The following ERCC3 variants were observed in gnomAD, a reference collection of about 807,000 sequenced individuals.
ERCC3 encodes the protein ERCC excision repair 3, TFIIH core complex helicase subunit.
A neutral mutation model predicts 94.2 loss-of-function variants in ERCC3; 66 were observed. That is an observed-to-expected ratio of 0.70 (90% CI 0.57 to 0.86). The LOEUF is 0.86. ERCC3 is among the 40% of genes least tolerant of loss of function. The pLI is 0.00. For missense variants in ERCC3, 829 were observed against 987.1 expected (o/e 0.84, Z 2.15); for synonymous variants, 349 against 369.1 (o/e 0.95, Z 0.63).
Position 127,271,489 on chromosome 2 carries a change from GAAA to G in ERCC3, c.1828-39_1828-37del. ...AAGTTGGAAGGTTTTTATATATGAG[GAAA>G]AAAAAAAAGTCAACTGATCCAGAAT... On this transcript the variant is annotated intron_variant, in intron 11 of 14. Coordinates refer to ENST00000285398, the MANE Select transcript of ERCC3 (RefSeq NM_000122.2). This position sits in a 1 kb window ranked among gnomAD's most constrained non-coding sequence, Gnocchi z 5.0. 8.6e-7 allele frequency: 1 copy of G among 1,164,288 alleles called. No individual in the cohort carries two copies. The allele number at this position is 1,164,288 out of a possible 1,614,324, so 72.1% of individuals were successfully genotyped here.
chr2:127,282,880 T>C (rs1012370138), intron 8 of ERCC3, among the ~76,000 whole-genome samples: 1 of 152,126 alleles, frequency 6.6e-6, no homozygotes, highest in Non-Finnish European at 1.5e-5. Context: ...CCCAAATCTG[T>C]GCTGTTGTCC....
rs906597335 is a variant in ERCC3 at position 127,288,853 on chromosome 2, C to T, written c.834G>A (p.Glu278=). ...VSFEVKQEMI[E]ELQKRCIHLE... ...GGTGGATGCAACGTTTCTGGAGTTC[C>T]TCAATCATTTCCTGGAAAGAGGGCA... Residue 278 remains glutamate, a synonymous_variant, in exon 7 of 15, where the codon GAG becomes GAA. Coordinates refer to ENST00000285398, the MANE Select transcript of ERCC3 (RefSeq NM_000122.2). 1.2e-6 allele frequency: 2 copies of T among 1,613,370 alleles called. No homozygotes were observed. Among genetic ancestry groups the T allele is most frequent in the African/African-American group, 1.3e-5 (1 of 75,006 alleles).
chr2:127,266,709 A>ATTTTTTTTTTT (rs960627621), intron 12 of ERCC3, among the ~76,000 whole-genome samples: 1 of 87,336 alleles, frequency 1.1e-5, no homozygotes, highest in African/African-American at 5.2e-5. Context: ...ATGATCAATT[A>ATTTTTTTTTTT]TTTTTTTTTT....
chr2:127,293,659 G>T lies in ERCC3; in HGVS notation c.88C>A (p.Pro30Thr), dbSNP rs751320999. The change falls in exon 2 of 15, where the codon CCG becomes ACG. Residue 30 changes from proline to threonine, a missense_variant. Transcript: ENST00000285398. ...EDEEDDEEDAPGNDPQEAVPS... is the reference protein window; with the variant it reads ...EDEEDDEEDATGNDPQEAVPS... Reference sequence around the variant, plus strand: ...ACCGCTTCCTGAGGGTCGTTCCCCGGGGCGTCCTCTTCATCATCCTCTTCA... The same window carrying T: ...ACCGCTTCCTGAGGGTCGTTCCCCGTGGCGTCCTCTTCATCATCCTCTTCA... 4 of 1,614,104 alleles carry T rather than the reference G, an allele frequency of 2.5e-6. No homozygotes were observed. The highest frequency in any genetic ancestry group is 3.4e-6 in the Non-Finnish European group (4 of 1,180,034).
At chr2:127,289,910 A>C in intron 4 of ERCC3, 86 bp from the exon 5 acceptor site, 1 of 1,470,476 alleles carries the variant, frequency 6.8e-7, no homozygotes. Flanking sequence ...ATGGTCTGGA[A>C]ATACAAGCCT....
chr2:127,273,579 G>A (rs527606054), intron 10 of ERCC3, among the ~76,000 whole-genome samples: 1 of 151,554 alleles, frequency 6.6e-6, no homozygotes, highest in Non-Finnish European at 1.5e-5. Flanking sequence ...AAGAAACCCC[G>A]TCTCTACCAA....
In ERCC3 at chr2:127,263,865, G is replaced by A. The variant is rs907712457; in HGVS notation, c.1946-2519C>T. Among the ~76,000 whole-genome samples the A allele has an allele frequency of 2.6e-5, 4 of 151,936 alleles. No homozygotes were observed. The South Asian group carries it at 6.2e-4, about 24-fold the overall frequency. On this transcript the variant is annotated intron_variant, in intron 12 of 14. Coordinates refer to ENST00000285398, the MANE Select transcript of ERCC3 (RefSeq NM_000122.2). ...TGGGACTACAGGTGCCTGCCACCAC[G>A]CCCGGCTAATTTTTTGTACTTTTAG... is the stretch of plus-strand genomic sequence containing the variant.
Position 127,285,158 on chromosome 2 carries a change from T to C in ERCC3, c.1342+1545A>G, listed in dbSNP as rs1685025900. On this transcript the variant is annotated intron_variant, in intron 8 of 14. Coordinates refer to ENST00000285398, the MANE Select transcript of ERCC3 (RefSeq NM_000122.2). ...TATATATTGTATGATTGTGTTTATA[T>C]AAATTTTCCATAAAAAGCAAATCTA... Among the ~76,000 whole-genome samples, 4 of 152,224 alleles carry C rather than the reference T, an allele frequency of 2.6e-5. No individual in the cohort carries two copies. In the South Asian group the frequency reaches 8.3e-4, roughly 32 times the overall value.
chr2:127,293,731 A>C lies in ERCC3; in HGVS notation c.29-13T>G. On this transcript the variant is annotated splice_polypyrimidine_tract_variant and intron_variant, in intron 1 of 14. Transcript: ENST00000285398. ...GATTTCTTCTTGTCTGCAAGATACC[A>C]ACACAGAAGTAAGCCCAGCAGGAGC... 6.2e-7 allele frequency: 1 copy of C among 1,609,944 alleles called. No individual in the cohort carries two copies. Among genetic ancestry groups the C allele is most frequent in the Non-Finnish European group, 8.5e-7 (1 of 1,179,992 alleles).
chr2:127,270,523 G>A (rs1684513893), intron 12 of ERCC3, among the ~76,000 whole-genome samples: 1 of 152,184 alleles, frequency 6.6e-6, no homozygotes, highest in African/African-American at 2.4e-5. Flanking sequence ...TTAAATACAA[G>A]CTACTAGACG....
chr2:127,275,489 T>C (rs982140486), intron 10 of ERCC3, among the ~76,000 whole-genome samples: 1 of 152,194 alleles, frequency 6.6e-6, no homozygotes. Context: ...TGTGACAGAC[T>C]GGCTTGGAAT....
At chr2:127,278,945 T>C (rs1158620546) in intron 10 of ERCC3, among the ~76,000 whole-genome samples, 1 of 152,188 alleles carries the variant, frequency 6.6e-6, no homozygotes, top group Non-Finnish European at 1.5e-5. Flanking sequence ...CTCCCTGTTC[T>C]TTGGGCTCAA....
intron 12 of ERCC3, chr2:127,262,891 C>T (rs572331114): frequency 6.6e-6 from 1 of 152,230 alleles, no homozygotes; most frequent in East Asian, 1.9e-4. Flanking sequence ...AGCCAGTTTC[C>T]CCAGCACCAT....
At position 127,259,102 on chromosome 2, in the gene ERCC3, T is replaced by C. The variant is rs551821823; in HGVS notation, c.2217+194A>G. Among the ~76,000 whole-genome samples, 44 of 152,350 alleles carry C rather than the reference T, an allele frequency of 2.9e-4. No homozygotes were observed. In the South Asian group the frequency reaches 8.9e-3, roughly 31 times the overall value. On this transcript the variant is annotated intron_variant, in intron 14 of 14. Coordinates refer to ENST00000285398, the MANE Select transcript of ERCC3 (RefSeq NM_000122.2). This position sits in a 1 kb window ranked among gnomAD's most constrained non-coding sequence, Gnocchi z 4.9. ...CAGTCACAGCCACTGTGAGCTCAGC[T>C]GTGTGCAACAGTACAAGGGGCACAC... is the stretch of plus-strand genomic sequence containing the variant.
Position 127,259,365 on chromosome 2 carries a change from G to T in ERCC3, c.2148C>A (p.Val716=). 1.2e-6 allele frequency: 2 copies of T among 1,614,156 alleles called. No homozygotes were observed. The highest frequency in any genetic ancestry group is 1.7e-6 in the Non-Finnish European group (2 of 1,180,036). ...CGGCATCCAGGTCAGTGGCTGCCAG[G>T]ACTTTCTGTAAGAGCTGCTGTTGCT... The part of the protein sequence containing the change: ...KEEQQQLLQK[V]LAATDLDAEE... Residue 716 remains valine, a synonymous_variant, in exon 14 of 15, where the codon GTC becomes GTA. Transcript: ENST00000285398. The surrounding 1 kb of genome is among the most constrained non-coding windows in gnomAD (Gnocchi z 4.9).
Position 127,293,529 on chromosome 2 carries a change from G to A in ERCC3, c.218C>T (p.Ser73Phe), listed in dbSNP as rs1685351270. ...LQMPLKDDHT[S>F]RPLWVAPDGH... The stretch of plus-strand genomic sequence containing the variant: ...CATGCTTACCACCCAGAGGGGCCTG[G>A]AGGTGTGGTCGTCCTTCAGCGGCAT... The change falls in exon 2 of 15, where the codon TCC becomes TTC. Residue 73 changes from serine to phenylalanine, a missense_variant. Physicochemically the swap from Ser to Phe is radical, Grantham distance 155. Transcript: ENST00000285398. The A allele has an allele frequency of 6.2e-7, 1 of 1,614,132 alleles. No homozygotes were observed. Among genetic ancestry groups the A allele is most frequent in the Non-Finnish European group, 8.5e-7 (1 of 1,180,014 alleles).
At position 127,259,395 on chromosome 2, in the gene ERCC3, T is replaced by C. The variant is rs1380744596; in HGVS notation, c.2118A>G (p.Lys706=). ...MEEEDLAFST[K]EEQQQLLQKV... ...TCTGTAAGAGCTGCTGTTGCTCTTC[T>C]TTTGTCGAAAACGCCAAGTCTTCCT... is the stretch of plus-strand genomic sequence containing the variant. Residue 706 remains lysine, a synonymous_variant, in exon 14 of 15, where the codon AAA becomes AAG. Coordinates refer to ENST00000285398, the MANE Select transcript of ERCC3 (RefSeq NM_000122.2). The surrounding 1 kb of genome is among the most constrained non-coding windows in gnomAD (Gnocchi z 4.9). 2 of 1,614,190 alleles carry C rather than the reference T, an allele frequency of 1.2e-6. No individual in the cohort carries two copies. Among genetic ancestry groups the C allele is most frequent in the Non-Finnish European group, 1.7e-6 (2 of 1,180,028 alleles).
chr2:127,271,224 CAG>C lies in ERCC3; in HGVS notation c.1945+110_1945+111del. 1 of 800,792 alleles carries C rather than the reference CAG, an allele frequency of 1.2e-6. No individual in the cohort carries two copies. Among genetic ancestry groups the C allele is most frequent in the East Asian group, 2.4e-5 (1 of 41,258 alleles). 49.6% of individuals were successfully genotyped at this position (800,792 alleles called of 1,614,324 possible). A position where few individuals can be genotyped will look rare whatever the true frequency, so the allele number is the denominator to read the frequency against. ...TCTTTGCTTTGGGATTCTCTCCCTCCAGAGTCTATTTAGCCCCAGGGCACATG... is the reference window on the plus strand; with the variant it reads ...TCTTTGCTTTGGGATTCTCTCCCTCCAGTCTATTTAGCCCCAGGGCACATG... On this transcript the variant is annotated intron_variant, in intron 12 of 14. Coordinates refer to ENST00000285398, the MANE Select transcript of ERCC3 (RefSeq NM_000122.2). This position sits in a 1 kb window ranked among gnomAD's most constrained non-coding sequence, Gnocchi z 5.0.
At position 127,273,341 on chromosome 2, in the gene ERCC3, A is replaced by T. The variant is rs190679662; in HGVS notation, c.1731-380T>A. On this transcript the variant is annotated intron_variant, in intron 10 of 14. Coordinates refer to ENST00000285398, the MANE Select transcript of ERCC3 (RefSeq NM_000122.2). ...TATTTCCAAAAAAAGGCTGGAAGCA[A>T]CTGTTTGCCAAGACACAGGCATGCT... Among the ~76,000 whole-genome samples, 303 of 152,348 alleles carry T rather than the reference A, an allele frequency of 2.0e-3. 2 individuals are homozygous for T. The highest frequency in any genetic ancestry group is 7.1e-3 in the African/African-American group (296 of 41,578).
Sources: allele counts gnomAD v4.1 joint callset (sites outside exome capture counted in the v4.1 genomes callset), GRCh38; gene constraint gnomAD v4.1.1; non-coding constraint Gnocchi (gnomAD v3.1); transcripts MANE v1.5; gene names NCBI Gene and HGNC (gene_info 2026-07-23, HGNC 2026-07-21).